COL22A1: variants seen among roughly 807,000 people sequenced by gnomAD.
COL22A1 encodes the protein collagen type XXII alpha 1 chain.
In COL22A1, 221 loss-of-function variants were observed where a neutral mutation model predicts 248.9. The observed-to-expected ratio is 0.89, with a 90% CI of 0.80 to 0.99. COL22A1 has a LOEUF of 0.99. COL22A1 is among the 50% of genes least tolerant of loss of function. The pLI, the probability that COL22A1 is intolerant of heterozygous loss-of-function variation, is 0.00. For synonymous variants in COL22A1, 891 were observed against 793.4 expected (o/e 1.12, Z -2.07); for missense variants, 2,240 against 2,179.0 (o/e 1.03, Z -0.56).
chr8:138,641,216 G>T (rs1821661309), intron 47 of COL22A1, among the ~76,000 whole-genome samples: 1 of 152,166 alleles, frequency 6.6e-6, no homozygotes, highest in Non-Finnish European at 1.5e-5. Context: ...GGCAGGATGG[G>T]AATCCCAAGG....
intron 22 of COL22A1, among the ~76,000 whole-genome samples, chr8:138,749,517 G>A (rs1832413056): frequency 6.6e-6 from 1 of 152,216 alleles, no homozygotes; most frequent in South Asian, 2.1e-4. Flanking sequence ...TCTTAAGACT[G>A]TGCAGGAGCA....
chr8:138,793,970 C>A (rs754755090), intron 12 of COL22A1, among the ~76,000 whole-genome samples: 4 of 152,162 alleles, frequency 2.6e-5, no homozygotes, highest in Non-Finnish European at 5.9e-5. Context: ...CAACCCAGAC[C>A]GAGTGTTCTG....
At chr8:138,688,840 A>T in intron 37 of COL22A1, 77 bp downstream of exon 37, 1 of 1,262,970 alleles carries the variant, frequency 7.9e-7, no homozygotes, top group Admixed American at 1.7e-5. Context: ...AGGCCCGAGC[A>T]GAGTGAGCTG....
rs989544206 is a variant in COL22A1 at position 138,812,576 on chromosome 8, T to A, written c.1326+363A>T. On this transcript the variant is annotated intron_variant, in intron 8 of 64. Transcript: ENST00000303045. ...GGCCATCCATGTCCTGACCTCCCTG[T>A]CTTGCTGACCAGCCCAGGGCACTGC... Among the ~76,000 whole-genome samples the A allele has an allele frequency of 4.6e-5, 7 of 152,228 alleles. No individual in the cohort carries two copies. The South Asian group carries it at 1.5e-3, about 32-fold the overall frequency.
At chr8:138,844,725 C>T (rs1015597370) in intron 3 of COL22A1, among the ~76,000 whole-genome samples, 14 of 151,898 alleles carry the variant, frequency 9.2e-5, no homozygotes, top group Admixed American at 2.6e-4. Flanking sequence ...CCGAGGCGGG[C>T]GGATCACGAG....
chr8:138,639,798 C>G (rs1476952684), intron 47 of COL22A1, among the ~76,000 whole-genome samples: 2 of 152,202 alleles, frequency 1.3e-5, no homozygotes, highest in African/African-American at 4.8e-5. Context: ...AGATAGTATT[C>G]CTATCCATCT....
intron 41 of COL22A1, among the ~76,000 whole-genome samples, chr8:138,666,166 T>A (rs1824488375): frequency 6.6e-6 from 1 of 152,220 alleles, no homozygotes; most frequent in Admixed American, 6.5e-5. Context: ...ATATAGCACA[T>A]TTGCTTCTCT....
intron 40 of COL22A1, among the ~76,000 whole-genome samples, chr8:138,678,304 A>G (rs1252446912): frequency 2.0e-5 from 3 of 152,104 alleles, no homozygotes; most frequent in Non-Finnish European, 4.4e-5. Context: ...TAAATCTCTC[A>G]CTAGGTCTCC....
At chr8:138,607,003 CCT>C (rs1295018637) in intron 57 of COL22A1, among the ~76,000 whole-genome samples, 1 of 152,142 alleles carries the variant, frequency 6.6e-6, no homozygotes, top group Non-Finnish European at 1.5e-5. Flanking sequence ...TACCACAGCC[CCT>C]GAGGGAGGTC....
intron 60 of COL22A1, among the ~76,000 whole-genome samples, chr8:138,599,203 G>A (rs1361118420): frequency 2.0e-5 from 3 of 152,164 alleles, no homozygotes; most frequent in Non-Finnish European, 2.9e-5. Context: ...TTAGCCGGGC[G>A]TGGTGGCAGG....
At chr8:138,861,135 C>T (rs183819712) in intron 3 of COL22A1, among the ~76,000 whole-genome samples, 17 of 152,326 alleles carry the variant, frequency 1.1e-4, no homozygotes, top group South Asian at 2.1e-4. Flanking sequence ...CTACCAACAT[C>T]CTCAGCCCTG....
intron 3 of COL22A1, among the ~76,000 whole-genome samples, chr8:138,873,153 A>G (rs1299865341): frequency 6.6e-6 from 1 of 152,218 alleles, no homozygotes; most frequent in Non-Finnish European, 1.5e-5. Flanking sequence ...AATCCTGGAC[A>G]GGCCACTCAG....
At chr8:138,672,091 C>T (rs1409542120) in intron 41 of COL22A1, among the ~76,000 whole-genome samples, 2 of 152,126 alleles carry the variant, frequency 1.3e-5, no homozygotes, top group African/African-American at 2.4e-5. Flanking sequence ...GTATGGTACC[C>T]CTGCTGGAAG....
At chr8:138,602,864 C>T (rs970617157) in intron 59 of COL22A1, among the ~76,000 whole-genome samples, 3 of 152,220 alleles carry the variant, frequency 2.0e-5, no homozygotes, top group African/African-American at 7.2e-5. Flanking sequence ...TCCCTCTGGC[C>T]AGTGTCCATT....
intron 39 of COL22A1, among the ~76,000 whole-genome samples, chr8:138,683,492 G>A (rs1325977610): frequency 6.6e-6 from 1 of 152,154 alleles, no homozygotes; most frequent in Non-Finnish European, 1.5e-5. Flanking sequence ...TTTTCCTCCT[G>A]TGTGCCTCAG....
intron 49 of COL22A1, among the ~76,000 whole-genome samples, chr8:138,632,349 A>C (rs1293084626): frequency 6.6e-6 from 1 of 152,198 alleles, no homozygotes; most frequent in Non-Finnish European, 1.5e-5. Context: ...CCTATTTTAC[A>C]TGGGTTGTTG....
rs770453003 is a variant in COL22A1 at position 138,662,099 on chromosome 8, A to G, written c.3187-16T>C. 1 of 1,609,896 alleles carries G rather than the reference A, an allele frequency of 6.2e-7. No homozygotes were observed. Among genetic ancestry groups the G allele is most frequent in the South Asian group, 1.1e-5 (1 of 90,524 alleles). ...CTCGTGATCCCTGAAGAAAAAGAAA[A>G]GAAGACACTGACACCCTACAATATT... On this transcript the variant is annotated splice_polypyrimidine_tract_variant and intron_variant, in intron 42 of 64. Transcript: ENST00000303045.
At chr8:138,667,609 G>A (rs534554834) in intron 41 of COL22A1, among the ~76,000 whole-genome samples, 1 of 152,180 alleles carries the variant, frequency 6.6e-6, no homozygotes, top group Non-Finnish European at 1.5e-5. Flanking sequence ...ACAAGGGAAA[G>A]ACTTCAAGCA....
intron 50 of COL22A1, among the ~76,000 whole-genome samples, chr8:138,629,169 C>T (rs1820504519): frequency 6.7e-6 from 1 of 149,150 alleles, no homozygotes; most frequent in African/African-American, 2.5e-5. Flanking sequence ...TTAGGGAAAT[C>T]ATTTGCATAT....
Sources: allele counts gnomAD v4.1 joint callset (sites outside exome capture counted in the v4.1 genomes callset), GRCh38; gene constraint gnomAD v4.1.1; transcripts MANE v1.5; gene names NCBI Gene and HGNC (gene_info 2026-07-23, HGNC 2026-07-21).